ZNF722: variants seen among roughly 807,000 people sequenced by gnomAD.
ZNF722 encodes the protein zinc finger protein 722.
chr7:64,009,835 A>G, the ZNF722 span, among the ~76,000 whole-genome samples: 3 of 152,054 alleles, frequency 2.0e-5, no homozygotes, highest in Non-Finnish European at 2.9e-5. Context: ...TCCTCTTTAT[A>G]CCTCTGGTAG....
At chr7:64,001,959 C>T in the ZNF722 span, among the ~76,000 whole-genome samples, 2 of 152,156 alleles carry the variant, frequency 1.3e-5, no homozygotes, top group African/African-American at 4.8e-5. Flanking sequence ...TCTCGGCTCA[C>T]TGCAACCTCT....
chr7:64,004,426 A>AAATATATATATG, the ZNF722 span, among the ~76,000 whole-genome samples: 5 of 47,652 alleles, frequency 1.0e-4, no homozygotes, highest in East Asian at 1.9e-3. Flanking sequence ...AAAAAAAAAA[A>AAATATATATATG]TATATATATA....
chr7:64,016,449 AAGT>A, the ZNF722 span, among the ~76,000 whole-genome samples: 1 of 152,182 alleles, frequency 6.6e-6, no homozygotes, highest in Non-Finnish European at 1.5e-5. Flanking sequence ...TAAAAAAAAA[AAGT>A]GAAAAAACCT....
chr7:64,016,739 T>G, the ZNF722 span, among the ~76,000 whole-genome samples: 3 of 152,058 alleles, frequency 2.0e-5, no homozygotes, highest in African/African-American at 7.2e-5. Flanking sequence ...TCCTTATTAA[T>G]TAAAAAAATT....
At chr7:64,007,290 G>A in the ZNF722 span, among the ~76,000 whole-genome samples, 5 of 146,612 alleles carry the variant, frequency 3.4e-5, no homozygotes, top group African/African-American at 1.3e-4. Context: ...TGTGCACAAC[G>A]TGCAGGTTTG....
chr7:64,012,963 A>G, the ZNF722 span, among the ~76,000 whole-genome samples: 2 of 152,152 alleles, frequency 1.3e-5, no homozygotes, highest in African/African-American at 4.8e-5. Flanking sequence ...ATCTTTCACC[A>G]TGTGACATGT....
chr7:64,000,752 G>T, the ZNF722 span, among the ~76,000 whole-genome samples: 4,008 of 151,004 alleles, frequency 0.027, 75 homozygotes, highest in South Asian at 0.057. Flanking sequence ...CACCCAGCCT[G>T]CATTTTTCAA....
chr7:64,017,203 G>T, the ZNF722 span, among the ~76,000 whole-genome samples: 10 of 152,140 alleles, frequency 6.6e-5, no homozygotes, highest in Non-Finnish European at 1.2e-4. Context: ...GGCCAACATG[G>T]TGAAAGCCCA....
chr7:64,006,397 G>C, the ZNF722 span: 2 of 997,588 alleles, frequency 2.0e-6, no homozygotes, highest in Non-Finnish European at 2.9e-6. Flanking sequence ...TTGAAATGTG[G>C]TCTGGGGAGC....
the ZNF722 span, among the ~76,000 whole-genome samples, chr7:64,009,594 A>G: frequency 6.6e-6 from 1 of 152,198 alleles, no homozygotes; most frequent in Admixed American, 6.5e-5. Context: ...GATGAAGCTG[A>G]CTTGATCGTG....
At chr7:64,012,880 G>A in the ZNF722 span, among the ~76,000 whole-genome samples, 1 of 152,130 alleles carries the variant, frequency 6.6e-6, no homozygotes. Flanking sequence ...TAATCATAGA[G>A]TTCTCACTCT....
the ZNF722 span, among the ~76,000 whole-genome samples, chr7:64,012,009 A>G: frequency 6.6e-6 from 1 of 151,446 alleles, no homozygotes; most frequent in Non-Finnish European, 1.5e-5. Context: ...TTCTCACTTC[A>G]TTTCATTAAT....
At chr7:64,010,204 C>T in the ZNF722 span, among the ~76,000 whole-genome samples, 19 of 152,082 alleles carry the variant, frequency 1.2e-4, no homozygotes, top group African/African-American at 4.6e-4. Flanking sequence ...CTCCTGGATT[C>T]ATTGATTTTT....
At chr7:64,016,115 T>G in the ZNF722 span, 1 of 505,914 alleles carries the variant, frequency 2.0e-6, no homozygotes, top group East Asian at 3.2e-5. Flanking sequence ...CCCTCAAACC[T>G]TAATGAACCC....
the ZNF722 span, chr7:64,006,423 A>G: frequency 2.6e-6 from 2 of 762,846 alleles, no homozygotes; most frequent in East Asian, 6.0e-5. Flanking sequence ...TTCGATGGAA[A>G]GAGTTTCTGA....
At chr7:64,018,016 T>C in the ZNF722 span, among the ~76,000 whole-genome samples, 718 of 152,358 alleles carry the variant, frequency 4.7e-3, 19 homozygotes, top group Admixed American at 0.042. Flanking sequence ...TGTACCTTTA[T>C]GTAATAAAAT....
chr7:63,999,148 C>T, the ZNF722 span: 1 of 928,786 alleles, frequency 1.1e-6, no homozygotes, highest in Non-Finnish European at 1.7e-6. Context: ...TTTTAGTCCC[C>T]TCGAACCGTA....
the ZNF722 span, among the ~76,000 whole-genome samples, chr7:64,004,434 A>ATATG: frequency 1.6e-5 from 2 of 127,026 alleles, no homozygotes; most frequent in Non-Finnish European, 1.6e-5. Flanking sequence ...AAATATATAT[A>ATATG]TATATATATA....
the ZNF722 span, among the ~76,000 whole-genome samples, chr7:64,012,193 T>C: frequency 5.3e-5 from 8 of 152,186 alleles, no homozygotes; most frequent in African/African-American, 1.9e-4. Flanking sequence ...TCAAGGTTTT[T>C]AGCTTCCTTG....
Sources: allele counts gnomAD v4.1 joint callset (sites outside exome capture counted in the v4.1 genomes callset), GRCh38; gene constraint gnomAD v4.1.1; transcripts MANE v1.5; gene names NCBI Gene and HGNC (gene_info 2026-07-23, HGNC 2026-07-21).